TFDP2: variants seen among roughly 807,000 people sequenced by gnomAD.
TFDP2 encodes transcription factor Dp-2.
Under a neutral mutation model 59.3 loss-of-function variants are expected in TFDP2, and 17 were observed. That is an observed-to-expected ratio of 0.29 (90% CI 0.20 to 0.43). TFDP2 has a LOEUF of 0.43. Ranked by LOEUF, TFDP2 falls within the 20% of genes least tolerant of loss-of-function variation. The pLI, the probability that TFDP2 is intolerant of heterozygous loss-of-function variation, is 1.00. For synonymous variants in TFDP2, 180 were observed against 194.7 expected (o/e 0.92, Z 0.63); for missense variants, 391 against 528.8 (o/e 0.74, Z 2.56).
Position 142,080,949 on chromosome 3 carries a change from A to C in TFDP2, c.82+12112T>G, listed in dbSNP as rs73232689. Among the ~76,000 whole-genome samples the C allele has an allele frequency of 6.0e-3, 917 of 152,344 alleles. 3 individuals are homozygous for C. The highest frequency in any genetic ancestry group is 9.9e-3 in the Admixed American group (152 of 15,300). On this transcript the variant is annotated intron_variant, in intron 3 of 12. Coordinates refer to ENST00000489671, the MANE Select transcript of TFDP2 (RefSeq NM_001178139.2). ...TCTTCCAAACAGAAAATCCACAAGG[A>C]AACACTAGACTTAATTTTCGCTATA... is the stretch of plus-strand genomic sequence containing the variant.
intron 7 of TFDP2, among the ~76,000 whole-genome samples, chr3:141,974,900 TCTTC>T (rs1440547001): frequency 6.9e-6 from 1 of 144,226 alleles, no homozygotes; most frequent in Non-Finnish European, 1.5e-5. Context: ...CCATTTTTCT[TCTTC>T]TTCTTTTTTT....
intron 3 of TFDP2, among the ~76,000 whole-genome samples, chr3:142,023,140 A>AG (rs1238524243): frequency 1.3e-5 from 2 of 150,534 alleles, no homozygotes; most frequent in African/African-American, 2.4e-5. Flanking sequence ...AAAAAAAAAA[A>AG]AAAGAAAAAG....
intron 1 of TFDP2, among the ~76,000 whole-genome samples, chr3:142,141,825 G>GA (rs909001926): frequency 2.2e-4 from 31 of 138,438 alleles, no homozygotes; most frequent in Admixed American, 3.6e-4. Flanking sequence ...TCTGTCTCAA[G>GA]AAAAAAAAAA....
intron 12 of TFDP2, 67 bp downstream of exon 12, chr3:141,952,844 G>A (rs777228606): frequency 1.1e-5 from 17 of 1,559,022 alleles, no homozygotes; most frequent in Middle Eastern, 1.7e-4. Context: ...ACATGACCCC[G>A]GCTCACCCCT....
chr3:141,977,185 T>C (rs905637596), intron 7 of TFDP2, among the ~76,000 whole-genome samples: 1 of 147,864 alleles, frequency 6.8e-6, no homozygotes, highest in Non-Finnish European at 1.5e-5. Flanking sequence ...AGTGGCATGA[T>C]TGAATTCCTG....
rs183919565 is a variant in TFDP2 at position 141,965,525 on chromosome 3, A to C, written c.733-1562T>G. Reference sequence around the variant, plus strand: ...AAAGAAAAGAAAAAAAGGAAAGAAAAGAAGGGAAGAGAAGGGAGGGGAAGG... The same window carrying C: ...AAAGAAAAGAAAAAAAGGAAAGAAACGAAGGGAAGAGAAGGGAGGGGAAGG... On this transcript the variant is annotated intron_variant, in intron 9 of 12. Coordinates refer to ENST00000489671, the MANE Select transcript of TFDP2 (RefSeq NM_001178139.2). Among the ~76,000 whole-genome samples the C allele has an allele frequency of 2.3e-4, 32 of 137,492 alleles. 1 individual carries two copies. The Middle Eastern group carries it at 0.011, about 46-fold the overall frequency. The allele number at this position is 137,492 out of a possible 152,430, so 90.2% of individuals were successfully genotyped here.
chr3:142,086,229 CA>C lies in TFDP2; in HGVS notation c.82+6831del, dbSNP rs563109633. ...TCCAACTCTTGTACACCATTTAACA[CA>C]AAACACTGCCTCTGGTCACCAAAAT... On this transcript the variant is annotated intron_variant, in intron 3 of 12. Transcript: ENST00000489671. Among the ~76,000 whole-genome samples, 23 of 152,274 alleles carry C rather than the reference CA, an allele frequency of 1.5e-4. No homozygotes were observed. The East Asian group carries it at 4.2e-3, about 28-fold the overall frequency.
chr3:142,114,745 C>A (rs73233895), intron 1 of TFDP2, among the ~76,000 whole-genome samples: 12,946 of 151,710 alleles, frequency 0.085, 692 homozygotes, highest in Middle Eastern at 0.14. Context: ...TAATCCAAAG[C>A]TATAGAAGAG....
At chr3:142,016,280 G>T (rs920732064) in intron 3 of TFDP2, among the ~76,000 whole-genome samples, 3 of 144,894 alleles carry the variant, frequency 2.1e-5, no homozygotes, top group African/African-American at 7.8e-5. Context: ...GATTACAGGC[G>T]TGAACCACCA....
chr3:142,061,127 T>G (rs1366646603), intron 3 of TFDP2, among the ~76,000 whole-genome samples: 1 of 152,216 alleles, frequency 6.6e-6, no homozygotes, highest in Non-Finnish European at 1.5e-5. Flanking sequence ...TACATAACCT[T>G]GGATCAAGTT....
intron 3 of TFDP2, among the ~76,000 whole-genome samples, chr3:142,035,869 G>A (rs763647258): frequency 2.6e-4 from 39 of 152,182 alleles, no homozygotes; most frequent in Non-Finnish European, 5.3e-4. Context: ...ACATGGAACT[G>A]TAAGTCCAAT....
intron 3 of TFDP2, chr3:142,043,864 C>T: frequency 3.2e-6 from 4 of 1,247,056 alleles, no homozygotes; most frequent in South Asian, 1.2e-5. Flanking sequence ...ATACATATGG[C>T]GATCAATCTT....
In TFDP2 at chr3:141,973,674, G is replaced by A. The variant is rs1056708868; in HGVS notation, c.663+374C>T. The stretch of plus-strand genomic sequence containing the variant: ...TAACCAATAAAGGAAATAAACAGCC[G>A]GCTTGATCCTTTTTTTTTTTTTTTT... On this transcript the variant is annotated intron_variant, in intron 8 of 12. Coordinates refer to ENST00000489671, the MANE Select transcript of TFDP2 (RefSeq NM_001178139.2). Among the ~76,000 whole-genome samples the A allele has an allele frequency of 6.1e-5, 9 of 146,568 alleles. No homozygotes were observed. In the East Asian group the frequency reaches 9.9e-4, roughly 16 times the overall value.
rs764151172 is a variant in TFDP2 at position 141,963,930 on chromosome 3, G to C, written c.766C>G (p.Arg256Gly). 1 of 1,613,482 alleles carries C rather than the reference G, an allele frequency of 6.2e-7. No individual in the cohort carries two copies. The change falls in exon 10 of 13, where the codon CGA becomes GGA. Residue 256 changes from arginine to glycine, a missense_variant. Physicochemically the swap from Arg to Gly is moderately radical, Grantham distance 125 (BLOSUM62 -2). Around this residue, in one of 3 missense-constraint regions of TFDP2, gnomAD observed 223 missense variants for 292.5 expected, o/e 0.76. Transcript: ENST00000489671. ...CCCTGGTTTTGCTGCTCATTTTGTC[G>C]ATTTCTCTGTACCAGGTTTTTGAAA... ...IAFKNLVQRN[R>G]QNEQQNQGPP...
At chr3:142,130,449 G>A (rs2062453889) in intron 1 of TFDP2, among the ~76,000 whole-genome samples, 1 of 151,792 alleles carries the variant, frequency 6.6e-6, no homozygotes, top group East Asian at 1.9e-4. Flanking sequence ...AAGGAGGAAT[G>A]GGAATTATTG....
intron 3 of TFDP2, among the ~76,000 whole-genome samples, chr3:142,078,798 A>T (rs2060546130): frequency 6.6e-6 from 1 of 152,152 alleles, no homozygotes; most frequent in Admixed American, 6.5e-5. Context: ...CAACAAATGA[A>T]CTAAGTAAGA....
At position 141,995,027 on chromosome 3, in the gene TFDP2, C is replaced by T. The variant is rs1378141150; in HGVS notation, c.301G>A (p.Val101Ile). Residue 101 changes from valine to isoleucine, a missense_variant, in exon 5 of 13, where the codon GTC becomes ATC. This residue lies in a region of TFDP2 where 162 missense variants were observed against 206.8 expected (regional missense o/e 0.78). Transcript: ENST00000489671. ...AACTTGCAACACTCTTACCCAGGGA[C>T]CCAGCCAGTAGCTTCTGCTATGTGT... ...QTHIAEATGW[V>I]PGDRKRARKF... The T allele has an allele frequency of 2.5e-6, 4 of 1,587,320 alleles. No individual in the cohort carries two copies. The highest frequency in any genetic ancestry group is 3.4e-6 in the Non-Finnish European group (4 of 1,167,032).
intron 6 of TFDP2, among the ~76,000 whole-genome samples, chr3:141,990,977 G>A (rs1942701056): frequency 6.6e-6 from 1 of 152,040 alleles, no homozygotes; most frequent in African/African-American, 2.4e-5. Flanking sequence ...AGAATCACTT[G>A]AGCCCAGGAA....
At chr3:142,081,921 T>C (rs2060650548) in intron 3 of TFDP2, among the ~76,000 whole-genome samples, 1 of 152,172 alleles carries the variant, frequency 6.6e-6, no homozygotes. Flanking sequence ...CTGATATCCA[T>C]CTTACTCAAA....
Sources: gnomAD v4.1 joint callset for allele counts (sites outside exome capture counted in the v4.1 genomes callset) on GRCh38, gnomAD v4.1.1 for gene constraint, gnomAD v4.1.1 regional missense constraint, MANE v1.5 for transcripts, NCBI Gene and HGNC (gene_info 2026-07-23, HGNC 2026-07-21) for gene names.